Variants in DIS3 observed in about 807,000 individuals in gnomAD.
DIS3 encodes exosome complex exonuclease RRP44.
A neutral mutation model predicts 113.0 loss-of-function variants in DIS3; 103 were observed. The ratio of observed to expected loss-of-function variants is 0.91; its 90% CI spans 0.78 to 1.07. DIS3 has a LOEUF of 1.07. Among genes scored for constraint, DIS3 ranks in the 50% least tolerant of loss-of-function variants. DIS3 has a pLI of 0.00. For synonymous variants in DIS3, 402 were observed against 394.3 expected (o/e 1.02, Z -0.23); for missense variants, 1,121 against 1,167.1 (o/e 0.96, Z 0.58).
rs2033527560 is a variant in DIS3, at chr13:72,757,814, A to G, written c.*1981T>C. On this transcript the variant is annotated 3_prime_UTR_variant, in exon 21 of 21. Transcript: ENST00000377767. The stretch of plus-strand genomic sequence containing the variant: ...CATCAAAATTATAATGATGTGCTGC[A>G]TAACTTTTGGTCAACAATGGCCAAA... 1 of 209,496 alleles carries G rather than the reference A, an allele frequency of 4.8e-6. No homozygotes were observed. Among genetic ancestry groups the G allele is most frequent in the East Asian group, 7.1e-5 (1 of 14,088 alleles). 13.0% of individuals were successfully genotyped at this position (209,496 alleles called of 1,614,324 possible).
intron 14 of DIS3, among the ~76,000 whole-genome samples, chr13:72,768,048 T>C (rs2033795515): frequency 6.6e-6 from 1 of 152,180 alleles, no homozygotes; most frequent in African/African-American, 2.4e-5. Flanking sequence ...AGTCAGATCT[T>C]TGGGAAGACT....
rs763490458 is a variant in DIS3, at chr13:72,780,936, C to A, written c.296G>T (p.Arg99Ile). 1 of 1,613,424 alleles carries A rather than the reference C, an allele frequency of 6.2e-7. No individual in the cohort carries two copies. Among genetic ancestry groups the A allele is most frequent in the Non-Finnish European group, 8.5e-7 (1 of 1,179,914 alleles). Residue 99 changes from arginine (R) to isoleucine (I), a missense_variant, in exon 2 of 21, where the codon AGA (arginine) becomes ATA (isoleucine). This residue lies in a region of DIS3 where 254 missense variants were observed against 232.2 expected (regional missense o/e 1.09). Coordinates refer to ENST00000377767, the MANE Select transcript of DIS3 (RefSeq NM_014953.5). ...IVLQTVLQEV[R>I]NRSAPVYKRI... The stretch of plus-strand genomic sequence containing the variant: ...TTTATATACGGGGGCACTGCGATTT[C>A]TCACTTCTTGAAGAACTGTTTGTAG...
chr13:72,752,514 GT>G lies in DIS3; in HGVS notation c.*7280del, dbSNP rs1176489992. ...TAACTCTTCCCTCCATATATATCCA[GT>G]TACATATTAGTATTGCATTATAAGC... On this transcript the variant is annotated 3_prime_UTR_variant, in exon 21 of 21. Coordinates refer to ENST00000377767, the MANE Select transcript of DIS3 (RefSeq NM_014953.5). 1 of 152,110 alleles carries G rather than the reference GT, an allele frequency of 6.6e-6. No individual in the cohort carries two copies. The highest frequency in any genetic ancestry group is 6.5e-5 in the Admixed American group (1 of 15,276). 9.4% of individuals were successfully genotyped at this position (152,110 alleles called of 1,614,324 possible). A position where few individuals can be genotyped will look rare whatever the true frequency, so the allele number is the denominator to read the frequency against.
intron 15 of DIS3, among the ~76,000 whole-genome samples, chr13:72,765,037 G>C (rs1267769870): frequency 6.6e-6 from 1 of 151,856 alleles, no homozygotes; most frequent in Admixed American, 6.6e-5. Flanking sequence ...TTTAACCCTT[G>C]GTCATCTATT....
At chr13:72,770,064 G>C (rs1471062556) in intron 13 of DIS3, among the ~76,000 whole-genome samples, 1 of 152,166 alleles carries the variant, frequency 6.6e-6, no homozygotes, top group African/African-American at 2.4e-5. Flanking sequence ...CATCATTTCT[G>C]TGAGAAAATG....
At chr13:72,759,990 G>A (rs1021910214) in intron 20 of DIS3, 112 bp from the exon 21 acceptor site, 1 of 853,680 alleles carries the variant, frequency 1.2e-6, no homozygotes, top group Non-Finnish European at 1.9e-6. Flanking sequence ...TGTAGTGGTA[G>A]GGAGGGGAAA....
chr13:72,772,370 A>G, intron 9 of DIS3, 95 bp from the exon 10 acceptor site: 2 of 962,550 alleles, frequency 2.1e-6, no homozygotes, highest in Non-Finnish European at 3.1e-6. Flanking sequence ...TGTATACAAA[A>G]ACAATTTAGC....
chr13:72,770,812 C>T (rs1018032480), intron 13 of DIS3, 92 bp downstream of exon 13: 35 of 725,328 alleles, frequency 4.8e-5, no homozygotes, highest in Non-Finnish European at 6.1e-5. Context: ...TGTATATATA[C>T]GTACATGTGA....
Position 72,761,980 on chromosome 13 carries a change from A to G in DIS3, c.2285T>C (p.Phe762Ser). ...VYFCSGMDNDFHHYGLASPIY... is the reference protein window; with the variant it reads ...VYFCSGMDNDSHHYGLASPIY... ...TGGAGACGCTAAGCCATAGTGATGAAAATCATTATCCATTCCAGAACAGAA... is the reference window on the plus strand; with the variant it reads ...TGGAGACGCTAAGCCATAGTGATGAGAATCATTATCCATTCCAGAACAGAA... The change falls in exon 17 of 21, where the codon TTT becomes TCT. Residue 762 changes from phenylalanine (F) to serine (S), a missense_variant. Coordinates refer to ENST00000377767, the MANE Select transcript of DIS3 (RefSeq NM_014953.5). The G allele has an allele frequency of 6.2e-7, 1 of 1,614,170 alleles. No homozygotes were observed. Among genetic ancestry groups the G allele is most frequent in the South Asian group, 1.1e-5 (1 of 91,080 alleles).
chr13:72,763,429 T>G, intron 16 of DIS3, 22 bp downstream of exon 16: 1 of 1,577,870 alleles, frequency 6.3e-7, no homozygotes, highest in Non-Finnish European at 8.6e-7. Flanking sequence ...AATAGATGAT[T>G]TTTCAAACTG....
rs1002911882 is a variant in DIS3 at position 72,752,432 on chromosome 13, C to T, written c.*7363G>A. ...CAACTTGGCTCTCATCAATCCTGCTCTTCCCATAGTGTGGGACAAACTCCC... is the reference window on the plus strand; with the variant it reads ...CAACTTGGCTCTCATCAATCCTGCTTTTCCCATAGTGTGGGACAAACTCCC... On this transcript the variant is annotated 3_prime_UTR_variant, in exon 21 of 21. Transcript: ENST00000377767. The T allele has an allele frequency of 1.9e-4, 29 of 152,236 alleles. No individual in the cohort carries two copies. The highest frequency in any genetic ancestry group is 1.8e-3 in the Admixed American group (27 of 15,282). 9.4% of individuals were successfully genotyped at this position (152,236 alleles called of 1,614,324 possible).
rs182902184 is a variant in DIS3 at position 72,770,934 on chromosome 13, C to A, written c.1725G>T (p.Thr575=). The A allele has an allele frequency of 6.2e-7, 1 of 1,606,368 alleles. No homozygotes were observed. Among genetic ancestry groups the A allele is most frequent in the Non-Finnish European group, 8.5e-7 (1 of 1,176,052 alleles). Residue 575 remains threonine, a synonymous_variant, in exon 13 of 21, where the codon ACG becomes ACT. Transcript: ENST00000377767. Reference sequence around the variant, plus strand: ...AATTAATAACACTTTTGGTAAACTTCGTTTTTAAGATTTCAGCATTGTGAT... The same window carrying A: ...AATTAATAACACTTTTGGTAAACTTAGTTTTTAAGATTTCAGCATTGTGAT... ...EMNHNAEILK[T]KFTKSVINSK...
intron 2 of DIS3, 57 bp downstream of exon 2, chr13:72,780,789 C>CT: frequency 6.7e-7 from 1 of 1,497,698 alleles, no homozygotes; most frequent in Non-Finnish European, 9.0e-7. Flanking sequence ...CAGGAACCCT[C>CT]TCCCGAATTT....
chr13:72,776,775 A>C (rs540747720), intron 4 of DIS3, among the ~76,000 whole-genome samples: 1 of 152,292 alleles, frequency 6.6e-6, no homozygotes, highest in South Asian at 2.1e-4. Flanking sequence ...TTCTCACATC[A>C]GCTATTGTAA....
At chr13:72,779,409 C>T (rs961275765) in intron 2 of DIS3, among the ~76,000 whole-genome samples, 6 of 152,196 alleles carry the variant, frequency 3.9e-5, no homozygotes, top group South Asian at 2.1e-4. Context: ...TAAGCCACCA[C>T]GCCCAGCTGC....
At chr13:72,770,717 A>G (rs2033864776) in intron 13 of DIS3, among the ~76,000 whole-genome samples, 187 bp downstream of exon 13, 1 of 152,100 alleles carries the variant, frequency 6.6e-6, no homozygotes, top group Non-Finnish European at 1.5e-5. Context: ...TTACATGTAT[A>G]TGTTTTTTCT....
chr13:72,756,004 G>A lies in DIS3; in HGVS notation c.*3791C>T, dbSNP rs1170932334. 3 of 398,440 alleles carry A rather than the reference G, an allele frequency of 7.5e-6. No homozygotes were observed. The highest frequency in any genetic ancestry group is 1.3e-5 in the Non-Finnish European group (3 of 226,062). 24.7% of individuals were successfully genotyped at this position (398,440 alleles called of 1,614,324 possible). A position where few individuals can be genotyped will look rare whatever the true frequency, so the allele number is the denominator to read the frequency against. ...AGAGTGGAGTTCCCGTAGGGCATAGGCCTGTGAAGTAACACTGGGGCAGAT... is the reference window on the plus strand; with the variant it reads ...AGAGTGGAGTTCCCGTAGGGCATAGACCTGTGAAGTAACACTGGGGCAGAT... On this transcript the variant is annotated 3_prime_UTR_variant, in exon 21 of 21. Coordinates refer to ENST00000377767, the MANE Select transcript of DIS3 (RefSeq NM_014953.5).
rs556892986 is a variant in DIS3 at position 72,769,690 on chromosome 13, A to G, written c.1756-778T>C. On this transcript the variant is annotated intron_variant, in intron 13 of 20. Transcript: ENST00000377767. ...GTTTGTTTTCATATAATTTTGTTATACTGACCAAGTCTTAAAGAATTAAAA... is the reference window on the plus strand; with the variant it reads ...GTTTGTTTTCATATAATTTTGTTATGCTGACCAAGTCTTAAAGAATTAAAA... Among the ~76,000 whole-genome samples the G allele has an allele frequency of 3.3e-5, 5 of 152,320 alleles. No homozygotes were observed. The South Asian group carries it at 1.0e-3, about 32-fold the overall frequency.
chr13:72,779,964 A>G (rs1013797956), intron 2 of DIS3, among the ~76,000 whole-genome samples: 13 of 152,160 alleles, frequency 8.5e-5, no homozygotes, highest in Non-Finnish European at 1.2e-4. Context: ...AATATAACGT[A>G]ATAGGCAATA....
Sources: allele counts gnomAD v4.1 joint callset (sites outside exome capture counted in the v4.1 genomes callset), GRCh38; gene constraint gnomAD v4.1.1; regional missense constraint gnomAD v4.1.1; transcripts MANE v1.5; gene names NCBI Gene and HGNC (gene_info 2026-07-23, HGNC 2026-07-21).